IQANK1: variants seen among roughly 807,000 people sequenced by gnomAD.
The protein encoded by IQANK1 is IQ motif and ankyrin repeat domain-containing protein 1.
IQANK1 carries 30 observed loss-of-function variants against 22.6 expected under a neutral mutation model. The observed-to-expected ratio is 1.33, with a 90% CI of 0.99 to 1.80. The LOEUF is 1.80. Among genes scored for constraint, IQANK1 ranks in the 40% most tolerant of loss-of-function variants. The pLI is 0.00. For synonymous variants in IQANK1, 122 were observed against 99.6 expected, an observed-to-expected ratio of 1.23 and a Z score of -1.34; for missense variants, 275 against 235.2, an observed-to-expected ratio of 1.17 and a Z score of -1.11.
intron 7 of IQANK1, among the ~76,000 whole-genome samples, chr8:143,778,819 G>T (rs1819739318): frequency 6.6e-6 from 1 of 152,146 alleles, no homozygotes; most frequent in Non-Finnish European, 1.5e-5. Context: ...CAGGCTGGAG[G>T]GCAGTGGCGC....
intron 3 of IQANK1, among the ~76,000 whole-genome samples, chr8:143,754,459 G>A (rs1554628345): frequency 6.6e-6 from 1 of 152,132 alleles, no homozygotes; most frequent in Non-Finnish European, 1.5e-5. Context: ...TCCCATGCTT[G>A]TTGATGAAAT....
intron 7 of IQANK1, among the ~76,000 whole-genome samples, chr8:143,784,979 T>C: frequency 6.6e-6 from 1 of 152,252 alleles, no homozygotes. Context: ...TTCAGTTTAC[T>C]AATTCTCTCT....
intron 7 of IQANK1, 142 bp from the exon 8 acceptor site, chr8:143,788,773 C>T: frequency 2.5e-6 from 1 of 397,186 alleles, no homozygotes; most frequent in Non-Finnish European, 4.4e-6. Context: ...GCTTTGGGGC[C>T]CACCACGCAC....
At chr8:143,777,867 C>T (rs1360793917) in intron 7 of IQANK1, among the ~76,000 whole-genome samples, 1 of 152,128 alleles carries the variant, frequency 6.6e-6, no homozygotes, top group African/African-American at 2.4e-5. Context: ...TAAATAATCT[C>T]ATTACACATG....
intron 3 of IQANK1, chr8:143,744,312 G>A (rs1415177108): frequency 1.3e-5 from 2 of 152,946 alleles, no homozygotes; most frequent in South Asian, 2.0e-4. Context: ...GACATCTTTG[G>A]GGGACATTAT....
intron 3 of IQANK1, among the ~76,000 whole-genome samples, chr8:143,748,745 T>A (rs1819097083): frequency 8.9e-6 from 1 of 111,986 alleles, no homozygotes; most frequent in Non-Finnish European, 1.6e-5. Context: ...AATATATAAA[T>A]ATATATCATA....
chr8:143,780,287 A>G (rs1819773233), intron 7 of IQANK1, among the ~76,000 whole-genome samples: 1 of 152,162 alleles, frequency 6.6e-6, no homozygotes, highest in South Asian at 2.1e-4. Context: ...CAAAGACTTT[A>G]TTATATACAA....
chr8:143,775,787 T>TACACGCACACACACAC (rs1554630331), intron 7 of IQANK1, among the ~76,000 whole-genome samples: 5 of 129,432 alleles, frequency 3.9e-5, no homozygotes, highest in African/African-American at 1.5e-4. Context: ...ATAGCTGTAT[T>TACACGCACACACACAC]ACACACACAC....
intron 10 of IQANK1, 30 bp downstream of exon 10, chr8:143,789,558 C>T (rs1819975697): frequency 8.1e-7 from 1 of 1,232,090 alleles, no homozygotes; most frequent in African/African-American, 1.5e-5. Context: ...TTGATATGCC[C>T]CTGCGTCCTC....
At position 143,788,947 on chromosome 8, in the gene IQANK1, G is replaced by A. The variant is rs370588601; in HGVS notation, c.822G>A (p.Leu274=). The stretch of plus-strand genomic sequence containing the variant: ...CACTGGACACAGTGGTGAGCGTGCT[G>A]CGCTCGTGGGACCTGAGCCTCACGG... ...VASLDTVVSV[L]RSWDLSLTEA... is the part of the protein sequence containing the mutation. Residue 274 remains leucine (L), a synonymous_variant, in exon 8 of 14, where the codon CTG becomes CTA. Transcript: ENST00000527139. 152 of 399,292 alleles carry A rather than the reference G, an allele frequency of 3.8e-4. No individual in the cohort carries two copies. The highest frequency in any genetic ancestry group is 2.8e-3 in the African/African-American group (138 of 48,772). The allele number at this position is 399,292 out of a possible 1,614,324, so 24.7% of individuals were successfully genotyped here.
intron 2 of IQANK1, among the ~76,000 whole-genome samples, chr8:143,738,542 T>C (rs1289912518): frequency 6.6e-6 from 1 of 152,124 alleles, no homozygotes; most frequent in Admixed American, 6.5e-5. Flanking sequence ...ACTAACGCGC[T>C]GACACGGCGG....
chr8:143,790,412 A>C lies in IQANK1; in HGVS notation c.1487A>C (p.Gln496Pro). 1 of 753,356 alleles carries C rather than the reference A, an allele frequency of 1.3e-6. No individual in the cohort carries two copies. The highest frequency in any genetic ancestry group is 1.8e-6 in the Non-Finnish European group (1 of 551,410). The allele number at this position is 753,356 out of a possible 1,614,324, so 46.7% of individuals were successfully genotyped here. A position where few individuals can be genotyped will look rare whatever the true frequency, so the allele number is the denominator to read the frequency against. The change falls in exon 14 of 14, where the codon CAG becomes CCG. Residue 496 changes from glutamine (Q) to proline (P), a missense_variant. Gln to Pro is a moderately conservative substitution (Grantham distance 76). Transcript: ENST00000527139. ...EEDLFPVVQR[Q>P]LEAVQERYLS... ...GACCTGTTCCCAGTCGTGCAGCGGC[A>C]GCTGGAGGCGGTGCAGGAGAGGTAC...
At position 143,772,494 on chromosome 8, in the gene IQANK1, AGAGGTGTGGGCCCCGG is replaced by A. The variant is rs1819599290; in HGVS notation, c.789+21_789+36del. 5.0e-6 allele frequency: 2 copies of A among 399,066 alleles called. No individual in the cohort carries two copies. The highest frequency in any genetic ancestry group is 2.5e-4 in the South Asian group (2 of 7,856). 24.7% of individuals were successfully genotyped at this position (399,066 alleles called of 1,614,324 possible). On this transcript the variant is annotated intron_variant, in intron 7 of 13. Transcript: ENST00000527139. ...GCACCCCTGAGCGGGTGTGGACCCCAGAGGTGTGGGCCCCGGGAGGTGTGAGCCCCGGGAGGTGTGG... is the reference window on the plus strand; with the variant it reads ...GCACCCCTGAGCGGGTGTGGACCCCAGAGGTGTGAGCCCCGGGAGGTGTGG...
rs1424461927 is a variant in IQANK1, at chr8:143,774,110, A to G, written c.789+1628A>G. ...TAAAATTACAAAACTTTTAGAACACATAGGAGAAAAATCTTTGGGGCCTAG... is the reference window on the plus strand; with the variant it reads ...TAAAATTACAAAACTTTTAGAACACGTAGGAGAAAAATCTTTGGGGCCTAG... On this transcript the variant is annotated intron_variant, in intron 7 of 13. Coordinates refer to ENST00000527139, the MANE Select transcript of IQANK1 (RefSeq NM_001381874.1). This position sits in a 1 kb window ranked among gnomAD's most constrained non-coding sequence, Gnocchi z 4.2. Among the ~76,000 whole-genome samples, 1 of 152,038 alleles carries G rather than the reference A, an allele frequency of 6.6e-6. No homozygotes were observed. The highest frequency in any genetic ancestry group is 1.5e-5 in the Non-Finnish European group (1 of 68,014).
chr8:143,789,288 C>G, intron 9 of IQANK1, 45 bp downstream of exon 9: 1 of 406,386 alleles, frequency 2.5e-6, no homozygotes, highest in Non-Finnish European at 4.3e-6. Context: ...GGAGGGAGAG[C>G]CGGGTGGGGA....
intron 2 of IQANK1, among the ~76,000 whole-genome samples, chr8:143,737,550 C>T (rs1297890131): frequency 6.6e-6 from 1 of 152,190 alleles, no homozygotes; most frequent in Non-Finnish European, 1.5e-5. Context: ...TCCAGCCTGG[C>T]TTCCTGGGCC....
In IQANK1 at chr8:143,781,574, A is replaced by G. The variant is rs528547078; in HGVS notation, c.790-7341A>G. On this transcript the variant is annotated intron_variant, in intron 7 of 13. Transcript: ENST00000527139. ...GTTATTCCAGCACGGTTTATTGAAT[A>G]TGGAGTCTTTTCCCCATTGCTTGTT... Among the ~76,000 whole-genome samples the G allele has an allele frequency of 1.5e-4, 23 of 152,310 alleles. 1 individual carries two copies. In the South Asian group the frequency reaches 2.5e-3, roughly 16 times the overall value.
At position 143,754,783 on chromosome 8, in the gene IQANK1, G is replaced by A. The variant is rs891475248; in HGVS notation, c.175+14835G>A. Among the ~76,000 whole-genome samples, 7 of 151,982 alleles carry A rather than the reference G, an allele frequency of 4.6e-5. 1 individual carries two copies. The South Asian group carries it at 6.2e-4, about 14-fold the overall frequency. On this transcript the variant is annotated intron_variant, in intron 3 of 13. Coordinates refer to ENST00000527139, the MANE Select transcript of IQANK1 (RefSeq NM_001381874.1). ...TGGGACTACAGGTGCCAACCACCAC[G>A]CCCGGCTAATTTTTTTGTATTTTTA...
At chr8:143,770,604 C>G (rs1819553910) in intron 3 of IQANK1, among the ~76,000 whole-genome samples, 1 of 152,216 alleles carries the variant, frequency 6.6e-6, no homozygotes, top group South Asian at 2.1e-4. Flanking sequence ...ACTTGGCTCC[C>G]CAGCGGGCGC....
Sources: allele counts gnomAD v4.1 joint callset (sites outside exome capture counted in the v4.1 genomes callset), GRCh38; gene constraint gnomAD v4.1.1; non-coding constraint Gnocchi (gnomAD v3.1); transcripts MANE v1.5; gene names NCBI Gene and HGNC (gene_info 2026-07-23, HGNC 2026-07-21).